Variants in SAMMSON observed in about 807,000 individuals in gnomAD.
SAMMSON encodes the protein long intergenic non-protein coding RNA 1212.
chr3:70,017,397 T>A (rs1206628729), intron 3 of SAMMSON, among the ~76,000 whole-genome samples: 1 of 152,084 alleles, frequency 6.6e-6, no homozygotes, highest in Non-Finnish European at 1.5e-5. Context: ...CTGTTATTGG[T>A]GTATAAGAAT....
intron 9 of SAMMSON, among the ~76,000 whole-genome samples, chr3:70,389,241 A>G (rs1386861056): frequency 6.6e-6 from 1 of 152,132 alleles, no homozygotes; most frequent in East Asian, 1.9e-4. Context: ...ATTCTGTTAT[A>G]GCAAAAGTAA....
At chr3:70,293,658 C>T (rs1398225068) in intron 7 of SAMMSON, among the ~76,000 whole-genome samples, 2 of 151,944 alleles carry the variant, frequency 1.3e-5, no homozygotes, top group Non-Finnish European at 2.9e-5. Flanking sequence ...TAGGCCTGTT[C>T]CTTTCCTTCC....
chr3:70,349,368 G>T (rs977634040), intron 7 of SAMMSON, among the ~76,000 whole-genome samples: 51 of 151,618 alleles, frequency 3.4e-4, no homozygotes, highest in African/African-American at 1.2e-3. Flanking sequence ...AGTGAAACTC[G>T]GTCTTAAAAA....
chr3:70,075,433 G>A (rs1402495911), intron 4 of SAMMSON: 2 of 152,122 alleles, frequency 1.3e-5, no homozygotes, highest in Non-Finnish European at 2.9e-5. Context: ...GGAGTCTGTT[G>A]AAAATTGTGA....
rs138268666 is a variant in SAMMSON at position 70,400,325 on chromosome 3, A to G, written n.233+42001A>G. Among the ~76,000 whole-genome samples, 511 of 152,276 alleles carry G rather than the reference A, an allele frequency of 3.4e-3. 6 individuals carry two copies. Among genetic ancestry groups the G allele is most frequent in the African/African-American group, 0.012 (494 of 41,564 alleles). ...TTTGGGTCATGCAGGTGGATCCCTC[A>G]TGAACGGATCAATGCCCTCCCTCAA... On this transcript the variant is annotated intron_variant and non_coding_transcript_variant, in intron 2 of 3. Transcript: ENST00000641053.
Position 70,129,124 on chromosome 3 carries a change from G to A in SAMMSON, n.507+57559G>A, listed in dbSNP as rs867842402. ...TGGATACTGGGATTATATGTATCTG[G>A]CCTGTGTCTCTATCTTCTGATTTAA... On this transcript the variant is annotated intron_variant and non_coding_transcript_variant, in intron 4 of 9. Coordinates refer to ENST00000642114, the Ensembl canonical transcript of SAMMSON. Among the ~76,000 whole-genome samples, 7 of 152,144 alleles carry A rather than the reference G, an allele frequency of 4.6e-5. No individual in the cohort carries two copies. The East Asian group carries it at 9.7e-4, about 21-fold the overall frequency.
intron 1 of SAMMSON, among the ~76,000 whole-genome samples, chr3:70,009,588 G>C (rs1053545503): frequency 2.0e-5 from 3 of 151,934 alleles, no homozygotes; most frequent in African/African-American, 7.3e-5. Context: ...CAGAAAACCA[G>C]CTCCTGGATT....
At chr3:70,370,652 G>A (rs1702961612) in intron 9 of SAMMSON, among the ~76,000 whole-genome samples, 1 of 151,750 alleles carries the variant, frequency 6.6e-6, no homozygotes, top group Non-Finnish European at 1.5e-5. Flanking sequence ...TTTTAATAGA[G>A]TTATTTGTTT....
At chr3:70,395,331 C>CTTTT (rs71126501) in intron 2 of SAMMSON, among the ~76,000 whole-genome samples, 8,089 of 113,452 alleles carry the variant, frequency 0.071, 401 homozygotes, top group East Asian at 0.22. Flanking sequence ...CTCTCTCTCT[C>CTTTT]TTTTTTTTTT....
intron 4 of SAMMSON, among the ~76,000 whole-genome samples, chr3:70,148,096 T>C (rs1320860227): frequency 5.3e-5 from 8 of 152,062 alleles, no homozygotes; most frequent in Non-Finnish European, 1.2e-4. Flanking sequence ...CACTATACAT[T>C]TTTTGGAAAG....
chr3:70,236,137 A>G (rs1701606457), intron 4 of SAMMSON, among the ~76,000 whole-genome samples: 1 of 152,110 alleles, frequency 6.6e-6, no homozygotes, highest in African/African-American at 2.4e-5. Context: ...TGACCTGTTG[A>G]CCTTATTCAT....
chr3:70,333,967 T>TC (rs1559565928), intron 7 of SAMMSON, among the ~76,000 whole-genome samples: 1 of 152,196 alleles, frequency 6.6e-6, no homozygotes, highest in Non-Finnish European at 1.5e-5. Flanking sequence ...ATTACACAGG[T>TC]GGGGAATCTT....
rs117253279 is a variant in SAMMSON at position 70,228,580 on chromosome 3, A to G, written n.508-20527A>G. On this transcript the variant is annotated intron_variant and non_coding_transcript_variant, in intron 4 of 9. Coordinates refer to ENST00000642114, the Ensembl canonical transcript of SAMMSON. Reference sequence around the variant, plus strand: ...TCTAGATTAAGTAAATGAAAGGAAAATATTTCAGAGTCGACTTACTGGAAC... The same window carrying G: ...TCTAGATTAAGTAAATGAAAGGAAAGTATTTCAGAGTCGACTTACTGGAAC... Among the ~76,000 whole-genome samples the G allele has an allele frequency of 7.9e-4, 118 of 150,194 alleles. 2 individuals are homozygous for G. In the East Asian group the frequency reaches 0.022, roughly 28 times the overall value.
chr3:70,352,657 A>C (rs956957358), intron 7 of SAMMSON, among the ~76,000 whole-genome samples: 1 of 152,142 alleles, frequency 6.6e-6, no homozygotes, highest in African/African-American at 2.4e-5. Flanking sequence ...TTGAGAGTTG[A>C]GCAAAAATCT....
intron 6 of SAMMSON, among the ~76,000 whole-genome samples, chr3:70,281,602 A>G (rs1168861267): frequency 1.3e-5 from 2 of 152,156 alleles, no homozygotes; most frequent in African/African-American, 4.8e-5. Context: ...GTTATGTCAA[A>G]TCATACACAG....
chr3:70,174,490 C>T (rs913684630), intron 4 of SAMMSON, among the ~76,000 whole-genome samples: 45 of 151,752 alleles, frequency 3.0e-4, no homozygotes, highest in African/African-American at 7.7e-4. Flanking sequence ...CAAGGCATAA[C>T]GTAGAGATAA....
chr3:70,161,119 A>G (rs1476664275), intron 4 of SAMMSON, among the ~76,000 whole-genome samples: 1 of 151,702 alleles, frequency 6.6e-6, no homozygotes, highest in African/African-American at 2.4e-5. Flanking sequence ...AGACAATTTT[A>G]TCTCCTTTTT....
intron 2 of SAMMSON, among the ~76,000 whole-genome samples, chr3:70,429,659 G>T (rs894676816): frequency 6.6e-6 from 1 of 152,114 alleles, no homozygotes. Flanking sequence ...GTGGTTTGTA[G>T]TTCTCTTTGA....
At chr3:70,007,888 A>G (rs1001735853) in intron 1 of SAMMSON, among the ~76,000 whole-genome samples, 4 of 152,066 alleles carry the variant, frequency 2.6e-5, no homozygotes, top group Admixed American at 6.6e-5. Context: ...TCCCAGCACC[A>G]TTTGTTAAAT....
Sources: gnomAD v4.1 joint callset for allele counts (sites outside exome capture counted in the v4.1 genomes callset) on GRCh38, gnomAD v4.1.1 for gene constraint, MANE v1.5 for transcripts, NCBI Gene and HGNC (gene_info 2026-07-23, HGNC 2026-07-21) for gene names.